Variants in DCAF8 observed in about 807,000 individuals in gnomAD.
DCAF8 encodes the protein DDB1- and CUL4-associated factor 8.
A neutral mutation model predicts 68.0 loss-of-function variants in DCAF8; 20 were observed. The ratio of observed to expected loss-of-function variants is 0.29; its 90% CI spans 0.21 to 0.43. DCAF8 has a LOEUF of 0.43. Among genes scored for constraint, DCAF8 ranks in the 20% least tolerant of loss-of-function variants. The pLI, the probability that DCAF8 is intolerant of heterozygous loss-of-function variation, is 1.00. For synonymous variants in DCAF8, 230 were observed against 276.9 expected (o/e 0.83, Z 1.68); for missense variants, 460 against 771.0 (o/e 0.60, Z 4.78).
intron 11 of DCAF8, among the ~76,000 whole-genome samples, 198 bp downstream of exon 11, chr1:160,222,453 C>T (rs1655331709): frequency 1.3e-5 from 2 of 152,182 alleles, no homozygotes; most frequent in South Asian, 2.1e-4. Context: ...CTGTGCTTTA[C>T]AGGGACAGAA....
intron 2 of DCAF8, among the ~76,000 whole-genome samples, chr1:160,247,678 T>C (rs970014398): frequency 1.3e-5 from 2 of 152,338 alleles, no homozygotes; most frequent in African/African-American, 4.8e-5. Flanking sequence ...CAACGAGTAT[T>C]TCCTTTGAGC....
At position 160,216,761 on chromosome 1, in the gene DCAF8, T is replaced by A. The variant is rs532351636; in HGVS notation, c.*831A>T. The A allele has an allele frequency of 6.5e-6, 1 of 152,736 alleles. No homozygotes were observed. The highest frequency in any genetic ancestry group is 2.4e-5 in the African/African-American group (1 of 41,542). 9.5% of individuals were successfully genotyped at this position (152,736 alleles called of 1,614,324 possible). A position where few individuals can be genotyped will look rare whatever the true frequency, so the allele number is the denominator to read the frequency against. The stretch of plus-strand genomic sequence containing the variant: ...TCCAAGTTTGACTTGCTTTTTAATA[T>A]ATTTATAGATATAAAATTAGGCCTC... On this transcript the variant is annotated 3_prime_UTR_variant, in exon 14 of 14. Transcript: ENST00000368074.
intron 2 of DCAF8, among the ~76,000 whole-genome samples, chr1:160,248,104 G>A (rs1232203248): frequency 6.6e-6 from 1 of 151,960 alleles, no homozygotes; most frequent in East Asian, 1.9e-4. Flanking sequence ...TCAGGAGTTC[G>A]AGATCAGCCT....
At chr1:160,232,141 T>C (rs1017510833) in intron 6 of DCAF8, among the ~76,000 whole-genome samples, 5 of 151,512 alleles carry the variant, frequency 3.3e-5, no homozygotes, top group Non-Finnish European at 5.9e-5. Flanking sequence ...GCCTGGTAGG[T>C]AGAGGCTGCA....
chr1:160,238,552 C>T, intron 5 of DCAF8, 55 bp downstream of exon 5: 4 of 1,516,416 alleles, frequency 2.6e-6, no homozygotes, highest in Non-Finnish European at 3.5e-6. Context: ...AGAACCTTGG[C>T]TGAGAACCAC....
At chr1:160,217,906 C>T (rs1282807425) in intron 13 of DCAF8, 198 bp from the exon 14 acceptor site, 1 of 548,594 alleles carries the variant, frequency 1.8e-6, no homozygotes, top group Admixed American at 3.3e-5. Context: ...TGAAGGCCGC[C>T]ACAGACAATA....
chr1:160,225,096 GT>G lies in DCAF8; in HGVS notation c.1166del (p.Asn389ThrfsTer49), dbSNP rs1227782491. 6.2e-7 allele frequency: 1 copy of G among 1,614,174 alleles called. No individual in the cohort carries two copies. Among genetic ancestry groups the G allele is most frequent in the Admixed American group, 1.7e-5 (1 of 60,018 alleles). Reference protein sequence around the residue: ...HHLVNSESKANITCLVYSHDG... With the variant: ...HHLVNSESKAXITCLVYSHDG... ...CGTGGCTGTACACAAGACAGGTGAT[GT>G]TTGCTTTGGACTCACTGTTCACCTG... is the stretch of plus-strand genomic sequence containing the variant. On this transcript the variant is annotated frameshift_variant, in exon 9 of 14. Transcript: ENST00000368074. LOFTEE classifies it high-confidence loss of function.
chr1:160,217,451 C>T lies in DCAF8; in HGVS notation c.*141G>A. 3.3e-6 allele frequency: 2 copies of T among 603,602 alleles called. No homozygotes were observed. The highest frequency in any genetic ancestry group is 2.8e-5 in the East Asian group (1 of 35,226). The allele number at this position is 603,602 out of a possible 1,614,324, so 37.4% of individuals were successfully genotyped here. On this transcript the variant is annotated 3_prime_UTR_variant, in exon 14 of 14. Coordinates refer to ENST00000368074, the MANE Select transcript of DCAF8 (RefSeq NM_015726.4). ...TGTTGGTTCACTCCTCTGGTTTGTC[C>T]TTCTCCTGGGATGTCTTTCTTTTAT...
At chr1:160,237,287 A>G (rs1655930768) in intron 5 of DCAF8, 58 bp from the exon 6 acceptor site, 1 of 1,210,074 alleles carries the variant, frequency 8.3e-7, no homozygotes. Context: ...GAGGTCATCT[A>G]GTTCATTCCT....
chr1:160,241,249 G>C (rs1340124554), intron 3 of DCAF8, among the ~76,000 whole-genome samples: 2 of 152,202 alleles, frequency 1.3e-5, no homozygotes, highest in African/African-American at 4.8e-5. Context: ...AGCTGAAGGG[G>C]TAAGTGGGAA....
At position 160,240,055 on chromosome 1, in the gene DCAF8, C is replaced by G. The variant is rs774760051; in HGVS notation, c.365G>C (p.Arg122Pro). 1 of 1,614,234 alleles carries G rather than the reference C, an allele frequency of 6.2e-7. No individual in the cohort carries two copies. The highest frequency in any genetic ancestry group is 8.5e-7 in the Non-Finnish European group (1 of 1,180,040). ...TGATGAGTCCTGGTCACGGTTAGCC[C>G]GCTTGCGCTGTACACGGCGCCGAGG... ...EQPRRRVQRK[R>P]ANRDQDSSDD... Residue 122 changes from arginine (R) to proline (P), a missense_variant, in exon 4 of 14, where the codon CGG (arginine) becomes CCG (proline). Physicochemically the swap from Arg to Pro is moderately radical, Grantham distance 103 (BLOSUM62 -2). This residue lies in a region of DCAF8 where 156 missense variants were observed against 181.4 expected (regional missense o/e 0.86). Coordinates refer to ENST00000368074, the MANE Select transcript of DCAF8 (RefSeq NM_015726.4).
intron 2 of DCAF8, among the ~76,000 whole-genome samples, chr1:160,253,085 G>A (rs892205551): frequency 6.6e-6 from 1 of 152,192 alleles, no homozygotes; most frequent in African/African-American, 2.4e-5. Context: ...GGGAGAGGAT[G>A]TTCAAGGGAA....
intron 2 of DCAF8, among the ~76,000 whole-genome samples, chr1:160,247,710 T>C (rs1205198756): frequency 6.6e-6 from 1 of 152,198 alleles, no homozygotes; most frequent in Admixed American, 6.5e-5. Context: ...ATTCGAAAAG[T>C]TTCAGATTTC....
Position 160,216,301 on chromosome 1 carries a change from G to GTGTA in DCAF8, c.*1287_*1290dup, listed in dbSNP as rs923588535. The GTGTA allele has an allele frequency of 2.0e-5, 3 of 152,148 alleles. No individual in the cohort carries two copies. Among genetic ancestry groups the GTGTA allele is most frequent in the African/African-American group, 4.8e-5 (2 of 41,432 alleles). 9.4% of individuals were successfully genotyped at this position (152,148 alleles called of 1,614,324 possible). On this transcript the variant is annotated 3_prime_UTR_variant, in exon 14 of 14. Coordinates refer to ENST00000368074, the MANE Select transcript of DCAF8 (RefSeq NM_015726.4). ...GGTAAGAGAGACAGAGTGAGAGAGT[G>GTGTA]TGTATGTATGTGTGTGGTGTGTGTG...
intron 4 of DCAF8, 95 bp downstream of exon 4, chr1:160,239,602 A>C: frequency 1.2e-6 from 2 of 1,612,532 alleles, no homozygotes; most frequent in Non-Finnish European, 1.7e-6. Flanking sequence ...TAATTCCTAC[A>C]ATAACTCACT....
chr1:160,225,748 G>A (rs1252642366), intron 7 of DCAF8, 85 bp from the exon 8 acceptor site: 8 of 1,076,946 alleles, frequency 7.4e-6, no homozygotes, highest in South Asian at 4.2e-5. Context: ...GCAGGAAACT[G>A]CCAGCTGGAT....
intron 6 of DCAF8, among the ~76,000 whole-genome samples, chr1:160,234,003 CA>C (rs1655782201): frequency 6.6e-6 from 1 of 152,038 alleles, no homozygotes; most frequent in African/African-American, 2.4e-5. Context: ...CAGATGAGAC[CA>C]AAGGATTTCT....
At chr1:160,248,462 G>A (rs915372226) in intron 2 of DCAF8, among the ~76,000 whole-genome samples, 3 of 152,314 alleles carry the variant, frequency 2.0e-5, no homozygotes, top group South Asian at 4.1e-4. Flanking sequence ...GGGGCTGGGC[G>A]TGGAGGCTCA....
Position 160,240,329 on chromosome 1 carries a change from C to T in DCAF8, c.91G>A (p.Glu31Lys). Reference sequence around the variant, plus strand: ...ATGCCTGAGGATGTCTCCCTCCCCTCTTCAGCTCCAGACATCTCCTCTGGA... The same window carrying T: ...ATGCCTGAGGATGTCTCCCTCCCCTTTTCAGCTCCAGACATCTCCTCTGGA... Reference protein sequence around the residue: ...SSPEEMSGAEEGRETSSGIEV... With the variant: ...SSPEEMSGAEKGRETSSGIEV... The change falls in exon 4 of 14, where the codon GAG (glutamate) becomes AAG (lysine). Residue 31 changes from glutamate to lysine, a missense_variant. Transcript: ENST00000368074. 1 of 1,613,556 alleles carries T rather than the reference C, an allele frequency of 6.2e-7. No homozygotes were observed. The highest frequency in any genetic ancestry group is 1.1e-5 in the South Asian group (1 of 91,044).
Sources: gnomAD v4.1 joint callset for allele counts (sites outside exome capture counted in the v4.1 genomes callset) on GRCh38, gnomAD v4.1.1 for gene constraint, gnomAD v4.1.1 regional missense constraint, MANE v1.5 for transcripts, NCBI Gene and HGNC (gene_info 2026-07-23, HGNC 2026-07-21) for gene names.